The following DST variants were observed in gnomAD, a reference collection of about 807,000 sequenced individuals.
DST encodes bullous pemphigoid antigen.
Under a neutral mutation model 875.2 loss-of-function variants are expected in DST, and 253 were observed. The observed-to-expected ratio is 0.29, with a 90% CI of 0.26 to 0.32. The LOEUF (loss-of-function observed/expected upper bound fraction) is 0.32. Among genes scored for constraint, DST ranks in the 10% least tolerant of loss-of-function variants. DST has a pLI of 1.00. For synonymous variants in DST, 3,124 were observed against 3,197.1 expected, an observed-to-expected ratio of 0.98 and a Z score of 0.77; for missense variants, 8,287 against 9,111.6, an observed-to-expected ratio of 0.91 and a Z score of 3.68.
At chr6:56,947,195 G>A (rs560343984) in intron 2 of DST, among the ~76,000 whole-genome samples, 3 of 151,742 alleles carry the variant, frequency 2.0e-5, no homozygotes, top group African/African-American at 7.3e-5. Flanking sequence ...GTGATTGGAC[G>A]GTTTTGTTAT....
rs150894118 is a variant in DST, at chr6:56,564,049, G to A, written c.14006-1849C>T. On this transcript the variant is annotated intron_variant, in intron 55 of 103. Transcript: ENST00000680361. ...TGTTCTTTTTGCTTAGGATTGTCTC[G>A]GCTATACGGGCTCTTTTTTGGTTCC... Among the ~76,000 whole-genome samples the A allele has an allele frequency of 3.9e-5, 6 of 152,198 alleles. No individual in the cohort carries two copies. The East Asian group carries it at 5.8e-4, about 15-fold the overall frequency.
In DST at chr6:56,604,873, C is replaced by T; in HGVS notation, c.9755G>A (p.Ser3252Asn). 6.2e-7 allele frequency: 1 copy of T among 1,612,590 alleles called. No individual in the cohort carries two copies. Among genetic ancestry groups the T allele is most frequent in the South Asian group, 1.1e-5 (1 of 91,032 alleles). Residue 3252 changes from serine to asparagine, a missense_variant, in exon 40 of 104, where the codon AGC (serine) becomes AAC (asparagine). Ser to Asn is a conservative substitution (Grantham distance 46, BLOSUM62 1). This residue lies in a region of DST where 3,138 missense variants were observed against 3,116.6 expected (regional missense o/e 1.01). Coordinates refer to ENST00000680361, the MANE Select transcript of DST (RefSeq NM_001374736.1). ...IQSNDLCSKESISGGGTEISQ... is the reference protein window; with the variant it reads ...IQSNDLCSKENISGGGTEISQ... ...AATTTCTGTTCCTCCTCCTGAGATG[C>T]TTTCTTTACTACAAAGATCATTGCT...
intron 36 of DST, chr6:56,618,041 C>G: frequency 6.2e-7 from 1 of 1,614,136 alleles, no homozygotes; most frequent in Admixed American, 1.7e-5. Flanking sequence ...ATCTTGATAC[C>G]TAACAGGTGG....
chr6:56,689,195 C>T (rs902425728), intron 9 of DST, among the ~76,000 whole-genome samples: 1 of 152,030 alleles, frequency 6.6e-6, no homozygotes, highest in African/African-American at 2.4e-5. Context: ...TATAGCAGGA[C>T]TCAACAAATA....
intron 4 of DST, among the ~76,000 whole-genome samples, chr6:56,824,516 G>A (rs963809219): frequency 6.6e-6 from 1 of 151,984 alleles, no homozygotes; most frequent in Non-Finnish European, 1.5e-5. Context: ...AGTCTGGAAA[G>A]TGAGGAGCGT....
chr6:56,850,314 G>T (rs1465027241), intron 4 of DST, among the ~76,000 whole-genome samples: 5 of 150,686 alleles, frequency 3.3e-5, no homozygotes, highest in African/African-American at 1.2e-4. Flanking sequence ...CAAAAAGGGG[G>T]TTCTCAGCTG....
At chr6:56,647,413 T>C (rs2098949452) in intron 13 of DST, among the ~76,000 whole-genome samples, 1 of 152,096 alleles carries the variant, frequency 6.6e-6, no homozygotes, top group African/African-American at 2.4e-5. Flanking sequence ...CCCGTGGCAA[T>C]GAGAATGAAA....
At position 56,604,189 on chromosome 6, in the gene DST, A is replaced by T; in HGVS notation, c.10439T>A (p.Ile3480Asn). 1 of 1,602,962 alleles carries T rather than the reference A, an allele frequency of 6.2e-7. No homozygotes were observed. The highest frequency in any genetic ancestry group is 8.5e-7 in the Non-Finnish European group (1 of 1,173,720). ...HMEYDLEKRGITSKVLPLQLE... is the reference protein window; with the variant it reads ...HMEYDLEKRGNTSKVLPLQLE... ...CTGCAGTGGAAGTACTTTAGACGTA[A>T]TGCCTCTTTTCTCTAGGTCATACTC... is the stretch of plus-strand genomic sequence containing the variant. The change falls in exon 40 of 104, where the codon ATT (isoleucine) becomes AAT (asparagine). Residue 3480 changes from isoleucine (I) to asparagine (N), a missense_variant. Transcript: ENST00000680361.
rs1333840040 is a variant in DST at position 56,753,829 on chromosome 6, G to A, written c.626-18540C>T. Among the ~76,000 whole-genome samples the A allele has an allele frequency of 3.9e-5, 6 of 152,212 alleles. No homozygotes were observed. In the East Asian group the frequency reaches 1.2e-3, roughly 29 times the overall value. Reference sequence around the variant, plus strand: ...CAAGTTAACAAAATGAGGTTTGGAAGTGGCAACAGGACATGTATCATGGAG... The same window carrying A: ...CAAGTTAACAAAATGAGGTTTGGAAATGGCAACAGGACATGTATCATGGAG... On this transcript the variant is annotated intron_variant, in intron 4 of 103. Coordinates refer to ENST00000680361, the MANE Select transcript of DST (RefSeq NM_001374736.1).
intron 49 of DST, among the ~76,000 whole-genome samples, chr6:56,587,113 G>A (rs62412518): frequency 1.3e-5 from 2 of 151,334 alleles, no homozygotes. Flanking sequence ...AAACTACTCC[G>A]AGCTACAGGA....
At chr6:56,916,506 C>CT (rs1199445884) in intron 2 of DST, among the ~76,000 whole-genome samples, 4 of 152,270 alleles carry the variant, frequency 2.6e-5, no homozygotes, top group Middle Eastern at 3.4e-3. Flanking sequence ...AATCCCAGCA[C>CT]TTTGGGAGGC....
rs1204250056 is a variant in DST, at chr6:56,608,993, T to TAGA, written c.5632_5634dup (p.Ser1878dup). On this transcript the variant is annotated inframe_insertion, in exon 40 of 104. Transcript: ENST00000680361. ...GTGGCTGGAATAACCAGAGAGCCTG[T>TAGA]AGAAAGCAGTATCTCAAGAACTTTG... 6.2e-7 allele frequency: 1 copy of TAGA among 1,613,876 alleles called. No individual in the cohort carries two copies. Among genetic ancestry groups the TAGA allele is most frequent in the South Asian group, 1.1e-5 (1 of 91,086 alleles).
chr6:56,759,612 G>A lies in DST; in HGVS notation c.626-24323C>T, dbSNP rs188498143. Among the ~76,000 whole-genome samples, 627 of 152,206 alleles carry A rather than the reference G, an allele frequency of 4.1e-3. 2 individuals carry two copies. The highest frequency in any genetic ancestry group is 6.4e-3 in the Non-Finnish European group (435 of 68,018). The stretch of plus-strand genomic sequence containing the variant: ...TTCAAAATTTTTAATGACTATCAGA[G>A]ACCTCTAATATATTACAATCCCTTT... On this transcript the variant is annotated intron_variant, in intron 4 of 103. Coordinates refer to ENST00000680361, the MANE Select transcript of DST (RefSeq NM_001374736.1).
At chr6:56,479,728 C>T (rs772005649) in intron 90 of DST, among the ~76,000 whole-genome samples, 29 of 152,170 alleles carry the variant, frequency 1.9e-4, no homozygotes, top group African/African-American at 4.3e-4. Flanking sequence ...AAACAATGGG[C>T]GCACATGGAC....
intron 4 of DST, among the ~76,000 whole-genome samples, chr6:56,840,833 T>G (rs78366767): frequency 0.025 from 3,792 of 152,284 alleles, 173 homozygotes; most frequent in African/African-American, 0.086. Flanking sequence ...TCTACATTTC[T>G]GACAACAGGC....
At chr6:56,645,338 C>G (rs963906375) in intron 15 of DST, among the ~76,000 whole-genome samples, 1 of 152,094 alleles carries the variant, frequency 6.6e-6, no homozygotes, top group African/African-American at 2.4e-5. Flanking sequence ...GACAAAATGA[C>G]AGAGAACTAG....
At chr6:56,498,265 T>C (rs1008354834) in intron 80 of DST, among the ~76,000 whole-genome samples, 1 of 152,102 alleles carries the variant, frequency 6.6e-6, no homozygotes, top group African/African-American at 2.4e-5. Context: ...CCTCAACACC[T>C]GGGCTCAAGC....
At chr6:56,837,237 C>T (rs1205514269) in intron 4 of DST, among the ~76,000 whole-genome samples, 1 of 152,140 alleles carries the variant, frequency 6.6e-6, no homozygotes, top group Non-Finnish European at 1.5e-5. Flanking sequence ...TTTAAAAACA[C>T]CTTTTCTAAT....
chr6:56,874,196 G>T (rs1778649437), intron 3 of DST, among the ~76,000 whole-genome samples: 2 of 152,066 alleles, frequency 1.3e-5, no homozygotes, highest in Admixed American at 6.6e-5. Flanking sequence ...AAACAAAGTT[G>T]CCTCTGGTGG....
Sources: gnomAD v4.1 joint callset for allele counts (sites outside exome capture counted in the v4.1 genomes callset) on GRCh38, gnomAD v4.1.1 for gene constraint, gnomAD v4.1.1 regional missense constraint, MANE v1.5 for transcripts, NCBI Gene and HGNC (gene_info 2026-07-23, HGNC 2026-07-21) for gene names.